KEL: variants seen among roughly 807,000 people sequenced by gnomAD.
The protein encoded by KEL is kell blood group glycoprotein.
KEL carries 96 observed loss-of-function variants against 99.5 expected under a neutral mutation model. The observed-to-expected ratio is 0.97, with a 90% CI of 0.82 to 1.14. The LOEUF is 1.14. KEL is among the 50% of genes most tolerant of loss of function. KEL has a pLI of 0.00. For synonymous variants in KEL, 355 were observed against 354.8 expected, an observed-to-expected ratio of 1.00 and a Z score of -0.01; for missense variants, 926 against 924.2, an observed-to-expected ratio of 1.00 and a Z score of -0.03.
intron 6 of KEL, among the ~76,000 whole-genome samples, chr7:142,955,877 G>C (rs781193042): frequency 1.3e-5 from 2 of 152,186 alleles, no homozygotes; most frequent in African/African-American, 4.8e-5. Context: ...TGCCATAACT[G>C]TTTGGAAAGT....
At chr7:142,956,599 C>T (rs778609667) in intron 6 of KEL, among the ~76,000 whole-genome samples, 5 of 152,168 alleles carry the variant, frequency 3.3e-5, no homozygotes, top group South Asian at 2.1e-4. Flanking sequence ...ACTGACTCCA[C>T]GAAGGAATCA....
Position 142,961,457 on chromosome 7 carries a change from C to A in KEL, c.126G>T (p.Trp42Cys), listed in dbSNP as rs1194423761. The change falls in exon 3 of 19, where the codon TGG becomes TGT. Residue 42 changes from tryptophan to cysteine, a missense_variant. Trp to Cys is a radical substitution (Grantham distance 215). Coordinates refer to ENST00000355265, the MANE Select transcript of KEL (RefSeq NM_000420.3). ...ERLPVEGSRP[W>C]AVARRVLTAI... is the part of the protein sequence containing the mutation. ...CTGTCAGCACCCGCCTGGCCACTGC[C>A]CATGGCCTGCTCCCTTCCACGGGCA... The A allele has an allele frequency of 6.2e-7, 1 of 1,611,300 alleles. No homozygotes were observed. Among genetic ancestry groups the A allele is most frequent in the South Asian group, 1.1e-5 (1 of 90,726 alleles).
chr7:142,955,709 T>C (rs1309528144), intron 6 of KEL, among the ~76,000 whole-genome samples: 1 of 152,104 alleles, frequency 6.6e-6, no homozygotes, highest in East Asian at 1.9e-4. Flanking sequence ...ATCCCACTCT[T>C]ATCTTGAGCC....
chr7:142,942,181 G>A, intron 18 of KEL: 2 of 568,164 alleles, frequency 3.5e-6, no homozygotes, highest in South Asian at 2.2e-5. Flanking sequence ...TCCTCTCCTG[G>A]AGGAACTTGG....
At chr7:142,954,023 T>C (rs1796760046) in intron 8 of KEL, 67 bp from the exon 9 acceptor site, 2 of 1,593,840 alleles carry the variant, frequency 1.3e-6, no homozygotes, top group South Asian at 2.2e-5. Flanking sequence ...GGCTTCCCCT[T>C]GGGTGTGAGA....
chr7:142,946,690 G>A lies in KEL; in HGVS notation c.1204-373C>T, dbSNP rs749288990. The A allele has an allele frequency of 2.9e-4, 92 of 313,628 alleles. 1 individual carries two copies. Among genetic ancestry groups the A allele is most frequent in the Non-Finnish European group, 4.8e-4 (79 of 165,786 alleles). 19.4% of individuals were successfully genotyped at this position (313,628 alleles called of 1,614,324 possible). A position where few individuals can be genotyped will look rare whatever the true frequency, so the allele number is the denominator to read the frequency against. ...TCCCCCACCACCACTCTACTCCGGG[G>A]TCCCAGCAATGACTTCCATCCTCCA... On this transcript the variant is annotated intron_variant, in intron 10 of 18. Transcript: ENST00000355265.
At chr7:142,959,042 T>C (rs556167428) in intron 4 of KEL, among the ~76,000 whole-genome samples, 5 of 152,270 alleles carry the variant, frequency 3.3e-5, no homozygotes, top group Admixed American at 2.0e-4. Flanking sequence ...CTCATGACTC[T>C]CTAAAATGTA....
chr7:142,946,119 C>T (rs979252665), intron 11 of KEL, 88 bp downstream of exon 11: 44 of 951,010 alleles, frequency 4.6e-5, no homozygotes, highest in Middle Eastern at 2.1e-4. Flanking sequence ...ACACACACCA[C>T]TGAGAAAGTC....
intron 10 of KEL, among the ~76,000 whole-genome samples, chr7:142,947,469 G>A (rs1403362719): frequency 6.6e-6 from 1 of 152,176 alleles, no homozygotes; most frequent in Non-Finnish European, 1.5e-5. Context: ...AGTTAAAGAG[G>A]TTATCATTTT....
chr7:142,950,488 T>C (rs977366153), intron 10 of KEL, among the ~76,000 whole-genome samples: 1 of 152,154 alleles, frequency 6.6e-6, no homozygotes, highest in Non-Finnish European at 1.5e-5. Context: ...CCTGTCCCCA[T>C]GAGATGATAC....
chr7:142,942,745 A>T, intron 17 of KEL, 130 bp downstream of exon 17: 1 of 1,197,652 alleles, frequency 8.3e-7, no homozygotes, highest in East Asian at 2.3e-5. Flanking sequence ...GTTGCCGTCT[A>T]TTCAGTGGGG....
In KEL at chr7:142,962,292, G is replaced by A. The variant is rs370519182; in HGVS notation, c.-86C>T. 545 of 1,478,878 alleles carry A rather than the reference G, an allele frequency of 3.7e-4. 6 individuals are homozygous for A. In the East Asian group the frequency reaches 6.9e-3, roughly 19 times the overall value. 91.6% of individuals were successfully genotyped at this position (1,478,878 alleles called of 1,614,324 possible). On this transcript the variant is annotated 5_prime_UTR_variant, in exon 1 of 19. Coordinates refer to ENST00000355265, the MANE Select transcript of KEL (RefSeq NM_000420.3). ...GACTGGGGTCCAGGAAACACCCCCC[G>A]CCCCAGTTCCTTGATCCTGGAGAAG... is the stretch of plus-strand genomic sequence containing the variant.
At chr7:142,945,976 G>A (rs981144187) in intron 11 of KEL, 2 of 583,752 alleles carry the variant, frequency 3.4e-6, no homozygotes, top group African/African-American at 3.7e-5. Context: ...GGAAAGTTGG[G>A]TGACTTGTCC....
chr7:142,942,676 C>A, intron 17 of KEL, 147 bp from the exon 18 acceptor site: 1 of 875,942 alleles, frequency 1.1e-6, no homozygotes, highest in African/African-American at 1.7e-5. Flanking sequence ...GAGTACTTCC[C>A]AGAAGACCTA....
In KEL at chr7:142,957,962, C is replaced by T; in HGVS notation, c.537G>A (p.Trp179Ter). 4 of 1,614,086 alleles carry T rather than the reference C, an allele frequency of 2.5e-6. No individual in the cohort carries two copies. The highest frequency in any genetic ancestry group is 3.4e-6 in the Non-Finnish European group (4 of 1,179,998). ...LRQVIEELGG[W>*]RISGKWTSLN... is the part of the protein sequence containing the mutation. ...AGGAAGTCCATTTACCAGAGATGCGCCAGCCTCCAAGCTTTAAAGGAGAGA... is the reference window on the plus strand; with the variant it reads ...AGGAAGTCCATTTACCAGAGATGCGTCAGCCTCCAAGCTTTAAAGGAGAGA... Residue 179 changes from tryptophan to a stop codon, truncating the protein, a stop_gained, in exon 6 of 19, where the codon TGG (tryptophan) becomes TGA (stop). Transcript: ENST00000355265. LOFTEE classifies it high-confidence loss of function.
At chr7:142,957,612 A>C (rs1262726007) in intron 6 of KEL, among the ~76,000 whole-genome samples, 2 of 152,208 alleles carry the variant, frequency 1.3e-5, no homozygotes, top group African/African-American at 2.4e-5. Context: ...GACCAGGCCT[A>C]CTTCTGTCTT....
intron 17 of KEL, 131 bp downstream of exon 17, chr7:142,942,744 T>G: frequency 8.4e-7 from 1 of 1,184,680 alleles, no homozygotes; most frequent in Non-Finnish European, 1.3e-6. Context: ...AGTTGCCGTC[T>G]ATTCAGTGGG....
intron 5 of KEL, 65 bp from the exon 6 acceptor site, chr7:142,958,038 C>A (rs539046873): frequency 7.6e-5 from 119 of 1,570,312 alleles, no homozygotes; most frequent in African/African-American, 6.5e-4. Context: ...TTGTCTGGAT[C>A]GGCTCTTACA....
chr7:142,941,205 G>C lies in KEL; in HGVS notation c.*47C>G, dbSNP rs1232286704. ...CTCTGATTCCATGGATGTGACCAGGGAGGTGTTGGTCGATATTTCTGTGCT... is the reference window on the plus strand; with the variant it reads ...CTCTGATTCCATGGATGTGACCAGGCAGGTGTTGGTCGATATTTCTGTGCT... On this transcript the variant is annotated 3_prime_UTR_variant, in exon 19 of 19. Coordinates refer to ENST00000355265, the MANE Select transcript of KEL (RefSeq NM_000420.3). 6.3e-7 allele frequency: 1 copy of C among 1,592,190 alleles called. No homozygotes were observed. The highest frequency in any genetic ancestry group is 8.6e-7 in the Non-Finnish European group (1 of 1,160,140).
Sources: allele counts gnomAD v4.1 joint callset (sites outside exome capture counted in the v4.1 genomes callset), GRCh38; gene constraint gnomAD v4.1.1; transcripts MANE v1.5; gene names NCBI Gene and HGNC (gene_info 2026-07-23, HGNC 2026-07-21).